The following TENM1 variants were observed in gnomAD, a reference collection of about 807,000 sequenced individuals.
TENM1 encodes teneurin-1.
TENM1 carries 35 observed loss-of-function variants against 174.8 expected under a neutral mutation model. The ratio of observed to expected loss-of-function variants is 0.20; its 90% CI spans 0.15 to 0.27. The LOEUF (loss-of-function observed/expected upper bound fraction) is 0.27. Ranked by LOEUF, TENM1 falls within the 10% of genes least tolerant of loss-of-function variation. The pLI is 1.00. For synonymous variants in TENM1, 781 were observed against 798.7 expected (o/e 0.98, Z 0.37); for missense variants, 1,633 against 2,130.1 (o/e 0.77, Z 4.59).
chrX:124,941,882 G>A (rs2058332164), intron 1 of TENM1, among the ~76,000 whole-genome samples: 1 of 111,868 alleles, frequency 8.9e-6, no homozygotes, highest in Non-Finnish European at 1.9e-5. Flanking sequence ...CAATCATGGT[G>A]GAAGGCAAAA....
the TENM1 span, among the ~76,000 whole-genome samples, chrX:124,982,933 C>G: frequency 8.9e-6 from 1 of 112,012 alleles, no homozygotes; most frequent in East Asian, 2.8e-4. Flanking sequence ...AGAGTGAGCT[C>G]GGTTCTACTA....
chrX:124,781,077 C>T (rs1299215163), intron 3 of TENM1, among the ~76,000 whole-genome samples: 1 of 111,576 alleles, frequency 9.0e-6, no homozygotes, highest in Non-Finnish European at 1.9e-5. Context: ...GGTTGTTTAC[C>T]TTTATGTTAA....
intron 18 of TENM1, among the ~76,000 whole-genome samples, chrX:124,517,689 G>T (rs1392820331): frequency 9.5e-6 from 1 of 105,487 alleles, no homozygotes; most frequent in Non-Finnish European, 2.0e-5. Flanking sequence ...GGGAGGGATA[G>T]CATTAGGAGA....
At chrX:124,542,405 C>T (rs1396758016) in intron 15 of TENM1, among the ~76,000 whole-genome samples, 1 of 103,149 alleles carries the variant, frequency 9.7e-6, no homozygotes, top group East Asian at 3.1e-4. Flanking sequence ...CTAGAAGAAA[C>T]CCATCATCTT....
At chrX:124,753,979 G>C (rs2054155917) in intron 3 of TENM1, among the ~76,000 whole-genome samples, 1 of 111,433 alleles carries the variant, frequency 9.0e-6, no homozygotes, top group Non-Finnish European at 1.9e-5. Flanking sequence ...GCCAGGCTTT[G>C]GTATCAGGAT....
intron 27 of TENM1, among the ~76,000 whole-genome samples, chrX:124,401,335 A>C (rs2147657735): frequency 8.9e-6 from 1 of 111,797 alleles, no homozygotes; most frequent in African/African-American, 3.2e-5. Flanking sequence ...TGCAAATTAC[A>C]ACCACACTTT....
At chrX:124,610,629 G>A (rs760318992) in intron 11 of TENM1, among the ~76,000 whole-genome samples, 1 of 110,375 alleles carries the variant, frequency 9.1e-6, no homozygotes, top group African/African-American at 3.3e-5. Context: ...GAATCAGTGA[G>A]ATTTAGGTAT....
the TENM1 span, among the ~76,000 whole-genome samples, chrX:125,045,875 T>C: frequency 1.8e-5 from 2 of 111,979 alleles, no homozygotes; most frequent in Non-Finnish European, 3.8e-5. Context: ...AATTTTAATT[T>C]AATTTCAATT....
chrX:124,684,788 C>T (rs1162034521), intron 5 of TENM1, among the ~76,000 whole-genome samples: 4 of 111,584 alleles, frequency 3.6e-5, no homozygotes, highest in Non-Finnish European at 7.5e-5. Context: ...AAGCTGCATT[C>T]ATTCTTCATG....
intron 14 of TENM1, among the ~76,000 whole-genome samples, chrX:124,558,910 G>A (rs1309611211): frequency 9.0e-6 from 1 of 111,392 alleles, no homozygotes; most frequent in Non-Finnish European, 1.9e-5. Flanking sequence ...TAGATACATA[G>A]TTTTAAGGAA....
intron 3 of TENM1, among the ~76,000 whole-genome samples, chrX:124,858,822 A>T (rs1408088745): frequency 1.9e-5 from 2 of 107,946 alleles, no homozygotes; most frequent in African/African-American, 3.6e-5. Context: ...TCATCAAATG[A>T]TTCTTTTTTT....
At chrX:124,651,974 G>A (rs768178094) in exon 8 of TENM1, 78 of 1,208,857 alleles carry the variant, frequency 6.5e-5, no homozygotes, top group Admixed American at 2.6e-4. Context: ...TAAAACGCCA[G>A]ATACCAAGGT....
the TENM1 span, among the ~76,000 whole-genome samples, chrX:125,045,597 G>A: frequency 2.7e-5 from 3 of 111,343 alleles, no homozygotes; most frequent in South Asian, 1.1e-3. Context: ...TTAAATTCCA[G>A]GAAAATTGTG....
chrX:125,069,469 G>A, the TENM1 span, among the ~76,000 whole-genome samples: 1 of 111,636 alleles, frequency 9.0e-6, no homozygotes, highest in African/African-American at 3.3e-5. Flanking sequence ...GATAAATACA[G>A]GTGTATTTTT....
At chrX:124,606,017 T>C (rs1393485464) in intron 11 of TENM1, among the ~76,000 whole-genome samples, 1 of 111,690 alleles carries the variant, frequency 9.0e-6, no homozygotes, top group Admixed American at 9.5e-5. Context: ...CATGATGTTT[T>C]TCTTCTTTCA....
chrX:124,564,781 C>A (rs2048904351), intron 12 of TENM1, among the ~76,000 whole-genome samples: 1 of 111,588 alleles, frequency 9.0e-6, no homozygotes, highest in South Asian at 3.8e-4. Context: ...ATTCACAGAT[C>A]ATTTTCCCTT....
intron 3 of TENM1, among the ~76,000 whole-genome samples, chrX:124,852,458 C>T (rs1236621754): frequency 1.8e-5 from 2 of 110,382 alleles, no homozygotes; most frequent in African/African-American, 6.6e-5. Context: ...GAATTTGGAA[C>T]AGAATTGGAG....
intron 1 of TENM1, among the ~76,000 whole-genome samples, chrX:124,946,001 G>T (rs754116821): frequency 8.9e-6 from 1 of 111,831 alleles, no homozygotes; most frequent in Admixed American, 9.5e-5. Flanking sequence ...AGTCATGAAT[G>T]ATTCTTTCTC....
chrX:124,569,646 A>C (rs2049014821), intron 11 of TENM1, among the ~76,000 whole-genome samples: 1 of 111,815 alleles, frequency 8.9e-6, no homozygotes. Context: ...CAAGAAATAT[A>C]CTTTCAAATA....
Sources: allele counts gnomAD v4.1 joint callset (sites outside exome capture counted in the v4.1 genomes callset), GRCh38; gene constraint gnomAD v4.1.1; transcripts MANE v1.5; gene names NCBI Gene and HGNC (gene_info 2026-07-23, HGNC 2026-07-21).